Variants in VSIG4 observed in about 807,000 individuals in gnomAD.
The protein encoded by VSIG4 is V-set and immunoglobulin domain containing 4, also known as V-set and immunoglobulin domain-containing protein 4.
Under a neutral mutation model 23.4 loss-of-function variants are expected in VSIG4, and 34 were observed. That is an observed-to-expected ratio of 1.45 (90% CI 1.10 to 1.93). VSIG4 has a LOEUF of 1.93. VSIG4 is among the 30% of genes most tolerant of loss of function. VSIG4 has a pLI of 0.00. For synonymous variants in VSIG4, 169 were observed against 120.3 expected (o/e 1.41, Z -2.65); for missense variants, 433 against 310.8 (o/e 1.39, Z -2.96).
At chrX:66,022,665 G>C in intron 7 of VSIG4, 165 bp from the exon 8 acceptor site, 4 of 1,127,256 alleles carry the variant, frequency 3.5e-6, no homozygotes, top group Non-Finnish European at 4.7e-6. Context: ...TGTTCAGAGG[G>C]CCAAAACAAC....
chrX:66,032,836 G>T lies in VSIG4; in HGVS notation c.413-87C>A, dbSNP rs887358566. The stretch of plus-strand genomic sequence containing the variant: ...TGAATCATTCTTGTTGGGCGTAAGG[G>T]CATGCATATATCTGCAACTGGAACT... On this transcript the variant is annotated intron_variant, in intron 2 of 7. Transcript: ENST00000374737. 4 of 983,299 alleles carry T rather than the reference G, an allele frequency of 4.1e-6. No individual in the cohort carries two copies. The African/African-American group carries it at 7.8e-5, about 19-fold the overall frequency. The allele number at this position is 983,299 out of a possible 1,213,427, so 81.0% of individuals were successfully genotyped here. A position where few individuals can be genotyped will look rare whatever the true frequency, so the allele number is the denominator to read the frequency against.
Position 66,034,731 on chromosome X carries a change from C to T in VSIG4, c.56-901G>A, listed in dbSNP as rs776048385. ...TGGTGATAGAAGCAATGGGAGATTG[C>T]TCCTTGGCGTGTTTGAGAAGGAAAC... On this transcript the variant is annotated intron_variant, in intron 1 of 7. Transcript: ENST00000374737. 6.4e-5 allele frequency among the ~76,000 whole-genome samples: 5 copies of T among 78,022 alleles called. No homozygotes were observed. The East Asian group carries it at 1.4e-3, about 22-fold the overall frequency. 67.8% of individuals were successfully genotyped at this position (78,022 alleles called of 115,157 possible).
At chrX:66,028,144 C>A in intron 3 of VSIG4, 32 bp from the exon 4 acceptor site, 1 of 1,166,697 alleles carries the variant, frequency 8.6e-7, no homozygotes, top group East Asian at 3.0e-5. Context: ...TTGAAGGGAC[C>A]TGGTACCCTT....
chrX:66,032,383 C>T, intron 3 of VSIG4, 85 bp downstream of exon 3: 2 of 1,098,883 alleles, frequency 1.8e-6, no homozygotes, highest in Non-Finnish European at 2.4e-6. Context: ...TCTCCCAATT[C>T]TTCTTTTGCA....
intron 7 of VSIG4, 98 bp from the exon 8 acceptor site, chrX:66,022,598 A>C: frequency 8.7e-7 from 1 of 1,153,082 alleles, no homozygotes; most frequent in South Asian, 2.1e-5. Flanking sequence ...AATTATCAGG[A>C]TCCTACCACC....
At chrX:66,026,770 T>C (rs1027254099) in intron 5 of VSIG4, among the ~76,000 whole-genome samples, 1 of 111,650 alleles carries the variant, frequency 9.0e-6, no homozygotes, top group Non-Finnish European at 1.9e-5. Context: ...GTCTTAGAGA[T>C]TCCTTGGTAT....
Position 66,033,835 on chromosome X carries a change from A to G in VSIG4, c.56-5T>C, listed in dbSNP as rs1203382096. 8.4e-7 allele frequency: 1 copy of G among 1,193,296 alleles called. No individual in the cohort carries two copies. The highest frequency in any genetic ancestry group is 2.2e-5 in the Admixed American group (1 of 45,166). ...GCACTTCCAGGATGGGACGGCCTGA[A>G]GAGGCGGAACAGAGGAAAGAAGCAA... is the stretch of plus-strand genomic sequence containing the variant. On this transcript the variant is annotated splice_region_variant and splice_polypyrimidine_tract_variant and intron_variant, in intron 1 of 7. Coordinates refer to ENST00000374737, the MANE Select transcript of VSIG4 (RefSeq NM_007268.3).
Position 66,022,838 on chromosome X carries a change from T to C in VSIG4, c.962+3A>G, listed in dbSNP as rs1331666515. On this transcript the variant is annotated splice_donor_region_variant and intron_variant, in intron 7 of 7. Transcript: ENST00000374737. ...AAAAATGGAAGAGGAGAGACTTTCT[T>C]ACCTGGCTGCTTCGTAGACATGCTC... The C allele has an allele frequency of 8.3e-7, 1 of 1,210,056 alleles. No individual in the cohort carries two copies. The highest frequency in any genetic ancestry group is 1.7e-5 in the African/African-American group (1 of 57,165).
intron 1 of VSIG4, among the ~76,000 whole-genome samples, chrX:66,039,495 T>C (rs1009450419): frequency 2.7e-5 from 3 of 111,470 alleles, no homozygotes; most frequent in Non-Finnish European, 5.7e-5. Flanking sequence ...CAATGAAGGG[T>C]GGTATAGGTT....
chrX:66,028,102 C>A lies in VSIG4; in HGVS notation c.705G>T (p.Lys235Asn). ...GTGCCTCAGTCTTGGTCTTGAGTAG[C>A]TTTGAGGAGTCTGCAAGGAAAAGGG... ...IVKFVVKDSS[K>N]LLKTKTEAPT... is the part of the protein sequence containing the mutation. Residue 235 changes from lysine (K) to asparagine (N), a missense_variant, in exon 4 of 8, where the codon AAG becomes AAT. Lys to Asn is a moderately conservative substitution (Grantham distance 94). Transcript: ENST00000374737. 1 of 1,210,240 alleles carries A rather than the reference C, an allele frequency of 8.3e-7. No individual in the cohort carries two copies. Among genetic ancestry groups the A allele is most frequent in the East Asian group, 3.0e-5 (1 of 33,797 alleles).
intron 3 of VSIG4, among the ~76,000 whole-genome samples, chrX:66,030,113 G>A (rs1022056513): frequency 8.9e-6 from 1 of 111,935 alleles, no homozygotes; most frequent in South Asian, 3.7e-4. Flanking sequence ...AGATAAGTTG[G>A]TGTCATCAAT....
chrX:66,033,020 G>C (rs1357374286), intron 2 of VSIG4, among the ~76,000 whole-genome samples: 17 of 111,484 alleles, frequency 1.5e-4, no homozygotes, highest in Non-Finnish European at 2.8e-4. Flanking sequence ...TTGTTCTGGG[G>C]CTCAAGTAGA....
intron 3 of VSIG4, among the ~76,000 whole-genome samples, chrX:66,029,726 C>T (rs752099080): frequency 8.1e-5 from 9 of 110,890 alleles, no homozygotes; most frequent in African/African-American, 2.0e-4. Flanking sequence ...TTTGACGATG[C>T]GAGGTAAAAG....
At chrX:66,034,769 G>T (rs1229892743) in intron 1 of VSIG4, among the ~76,000 whole-genome samples, 3 of 83,961 alleles carry the variant, frequency 3.6e-5, no homozygotes, top group African/African-American at 5.5e-5. Context: ...TTGGGGATGG[G>T]GGTGGGGGTG....
chrX:66,022,458 C>T lies in VSIG4; in HGVS notation c.1005G>A (p.Arg335=), dbSNP rs1299983146. The T allele has an allele frequency of 8.3e-7, 1 of 1,211,999 alleles. No individual in the cohort carries two copies. The highest frequency in any genetic ancestry group is 2.2e-5 in the Admixed American group (1 of 46,113). The part of the protein sequence containing the change: ...REANDSGETM[R]VAIFASGCSS... ...AGCAGCCACTTGCGAAGATGGCCAC[C>T]CTCATGGTTTCTCCAGAGTCGTTGG... The change falls in exon 8 of 8, where the codon AGG becomes AGA. Residue 335 remains arginine (R), a synonymous_variant. Transcript: ENST00000374737.
At chrX:66,036,649 A>AATATATAAT (rs1188382584) in intron 1 of VSIG4, among the ~76,000 whole-genome samples, 1 of 72,539 alleles carries the variant, frequency 1.4e-5, no homozygotes, top group Non-Finnish European at 2.4e-5. Flanking sequence ...ATATTTTAAT[A>AATATATAAT]ATATAATATA....
chrX:66,024,977 C>T (rs2085373130), intron 6 of VSIG4, 48 bp downstream of exon 6: 2 of 964,440 alleles, frequency 2.1e-6, no homozygotes, highest in East Asian at 3.3e-5. Flanking sequence ...AGTATACTGA[C>T]AGAAAGAACA....
intron 1 of VSIG4, among the ~76,000 whole-genome samples, 174 bp downstream of exon 1, chrX:66,039,770 C>T (rs1241425310): frequency 8.9e-6 from 1 of 112,603 alleles, no homozygotes; most frequent in African/African-American, 3.2e-5. Flanking sequence ...GCTTCTTCAG[C>T]AGCCTTCAAC....
At position 66,028,094 on chromosome X, in the gene VSIG4, T is replaced by C; in HGVS notation, c.713A>G (p.Lys238Arg). Residue 238 changes from lysine to arginine, a missense_variant, in exon 4 of 8, where the codon AAG becomes AGG. Coordinates refer to ENST00000374737, the MANE Select transcript of VSIG4 (RefSeq NM_007268.3). ...GGTTGTAGGTGCCTCAGTCTTGGTC[T>C]TGAGTAGCTTTGAGGAGTCTGCAAG... ...FVVKDSSKLL[K>R]TKTEAPTTMT... 2 of 1,210,431 alleles carry C rather than the reference T, an allele frequency of 1.7e-6. No homozygotes were observed. Among genetic ancestry groups the C allele is most frequent in the African/African-American group, 3.5e-5 (2 of 57,713 alleles).
Sources: gnomAD v4.1 joint callset for allele counts (sites outside exome capture counted in the v4.1 genomes callset) on GRCh38, gnomAD v4.1.1 for gene constraint, MANE v1.5 for transcripts, NCBI Gene and HGNC (gene_info 2026-07-23, HGNC 2026-07-21) for gene names.